Variants in FOXN3 observed in about 807,000 individuals in gnomAD.
FOXN3 encodes forkhead box N3.
FOXN3 carries 7 observed loss-of-function variants against 38.4 expected under a neutral mutation model. The observed-to-expected ratio is 0.18, with a 90% CI of 0.10 to 0.34. FOXN3 has a LOEUF of 0.34. Ranked by LOEUF, FOXN3 falls within the 10% of genes least tolerant of loss-of-function variation. The pLI is 1.00. For synonymous variants in FOXN3, 230 were observed against 242.2 expected (o/e 0.95, Z 0.47); for missense variants, 456 against 613.4 (o/e 0.74, Z 2.71).
At chr14:89,536,915 AAAG>A (rs1372092701) in intron 1 of FOXN3, among the ~76,000 whole-genome samples, 1 of 152,236 alleles carries the variant, frequency 6.6e-6, no homozygotes, top group Non-Finnish European at 1.5e-5. Context: ...GGGAAATTAT[AAAG>A]AAGTATAAAA....
At chr14:89,309,848 C>T (rs1012749380) in intron 3 of FOXN3, among the ~76,000 whole-genome samples, 2 of 152,236 alleles carry the variant, frequency 1.3e-5, no homozygotes, top group South Asian at 2.1e-4. Flanking sequence ...CTGCCTGGGG[C>T]TCTCAGTCTG....
chr14:89,500,524 C>G (rs1893774264), intron 1 of FOXN3, among the ~76,000 whole-genome samples: 1 of 152,162 alleles, frequency 6.6e-6, no homozygotes. Context: ...AGAGGGAAAC[C>G]AAAGAACAGA....
At chr14:89,284,873 C>T (rs1300277160) in intron 3 of FOXN3, among the ~76,000 whole-genome samples, 1 of 152,128 alleles carries the variant, frequency 6.6e-6, no homozygotes, top group East Asian at 1.9e-4. Context: ...TGAGTGATAC[C>T]ATCCTGAACA....
chr14:89,602,358 C>G (rs1408269217), intron 1 of FOXN3, among the ~76,000 whole-genome samples: 1 of 151,782 alleles, frequency 6.6e-6, no homozygotes, highest in Admixed American at 6.6e-5. Flanking sequence ...AAGAGGCAGA[C>G]CATAAATATG....
intron 1 of FOXN3, among the ~76,000 whole-genome samples, chr14:89,518,876 A>G (rs1596305693): frequency 1.3e-5 from 2 of 152,204 alleles, no homozygotes; most frequent in East Asian, 1.9e-4. Context: ...TTAGCCCAGC[A>G]TGGTGGTGGG....
intron 4 of FOXN3, among the ~76,000 whole-genome samples, chr14:89,222,398 T>G (rs890389281): frequency 6.6e-6 from 1 of 152,148 alleles, no homozygotes; most frequent in Admixed American, 6.5e-5. Context: ...GAAAGACGCT[T>G]ACATATATTA....
chr14:89,352,233 G>T (rs193210527), intron 2 of FOXN3, among the ~76,000 whole-genome samples: 4 of 152,314 alleles, frequency 2.6e-5, no homozygotes, highest in African/African-American at 9.6e-5. Flanking sequence ...AGACCTGAAA[G>T]ATTTCAACTT....
At chr14:89,187,155 A>G (rs1009057795) in intron 4 of FOXN3, among the ~76,000 whole-genome samples, 1 of 152,204 alleles carries the variant, frequency 6.6e-6, no homozygotes, top group African/African-American at 2.4e-5. Context: ...GCCAGCCTCT[A>G]TCTGCTGGGA....
intron 4 of FOXN3, 45 bp downstream of exon 4, chr14:89,280,905 G>A (rs762582501): frequency 3.9e-6 from 6 of 1,535,652 alleles, no homozygotes; most frequent in Non-Finnish European, 5.4e-6. Flanking sequence ...TGAAAGGCGG[G>A]TGGGTGAGGG....
chr14:89,191,751 CAAAA>C (rs564577421), intron 4 of FOXN3, among the ~76,000 whole-genome samples: 1 of 107,142 alleles, frequency 9.3e-6, no homozygotes. Flanking sequence ...AACAGGGTCT[CAAAA>C]AAAAAAAAAA....
At chr14:89,205,561 A>G (rs1242473601) in intron 4 of FOXN3, among the ~76,000 whole-genome samples, 1 of 152,238 alleles carries the variant, frequency 6.6e-6, no homozygotes, top group Non-Finnish European at 1.5e-5. Context: ...CGACACCAAC[A>G]GACACCAGCA....
intron 3 of FOXN3, among the ~76,000 whole-genome samples, chr14:89,328,490 A>C (rs1233142091): frequency 1.4e-4 from 19 of 138,464 alleles, no homozygotes; most frequent in South Asian, 2.3e-4. Context: ...GACATTCCCA[A>C]CAGCAGCCCT....
chr14:89,590,257 G>C (rs1895922732), intron 1 of FOXN3, among the ~76,000 whole-genome samples: 1 of 152,112 alleles, frequency 6.6e-6, no homozygotes, highest in Admixed American at 6.5e-5. Flanking sequence ...GCAAACTGAA[G>C]ACGTGCAAGT....
At position 89,383,039 on chromosome 14, in the gene FOXN3, T is replaced by G. The variant is rs941072766; in HGVS notation, c.543+28895A>C. ...ACAGTTTTGGGTGGTGTTTTTTTTT[T>G]TTTTTTTTTTTTTTTCCTTTTTTGG... is the stretch of plus-strand genomic sequence containing the variant. On this transcript the variant is annotated intron_variant, in intron 2 of 5. Coordinates refer to ENST00000557258, the MANE Select transcript of FOXN3 (RefSeq NM_005197.4). Among the ~76,000 whole-genome samples the G allele has an allele frequency of 3.3e-5, 5 of 149,406 alleles. No individual in the cohort carries two copies. In the East Asian group the frequency reaches 7.8e-4, roughly 23 times the overall value.
At chr14:89,447,814 CTTTTTTT>C (rs3057950) in intron 1 of FOXN3, among the ~76,000 whole-genome samples, 7 of 92,784 alleles carry the variant, frequency 7.5e-5, no homozygotes, top group Non-Finnish European at 1.2e-4. Flanking sequence ...GCCTTTCTTC[CTTTTTTT>C]TTTTTTTTTT....
At chr14:89,224,388 C>G (rs1746683610) in intron 4 of FOXN3, among the ~76,000 whole-genome samples, 1 of 152,158 alleles carries the variant, frequency 6.6e-6, no homozygotes, top group African/African-American at 2.4e-5. Context: ...TCTGTGAACA[C>G]CTGTCAAAAG....
intron 4 of FOXN3, among the ~76,000 whole-genome samples, chr14:89,191,973 T>TATATAA (rs1481298307): frequency 1.5e-5 from 2 of 135,216 alleles, no homozygotes; most frequent in African/African-American, 3.2e-5. Flanking sequence ...CACATATATA[T>TATATAA]AACTATAATA....
At chr14:89,262,712 C>T (rs115148206) in intron 4 of FOXN3, among the ~76,000 whole-genome samples, 206 of 151,998 alleles carry the variant, frequency 1.4e-3, no homozygotes, top group African/African-American at 4.4e-3. Flanking sequence ...AAATCTATGT[C>T]GGAGTATTAA....
intron 1 of FOXN3, among the ~76,000 whole-genome samples, chr14:89,494,738 G>T (rs1182735392): frequency 6.6e-6 from 1 of 152,214 alleles, no homozygotes; most frequent in African/African-American, 2.4e-5. Flanking sequence ...AGCTGCATTA[G>T]CAGGCTATAA....
Sources: allele counts gnomAD v4.1 joint callset (sites outside exome capture counted in the v4.1 genomes callset), GRCh38; gene constraint gnomAD v4.1.1; transcripts MANE v1.5; gene names NCBI Gene and HGNC (gene_info 2026-07-23, HGNC 2026-07-21).